Variants in PCDHA12 observed in about 807,000 individuals in gnomAD.
PCDHA12 encodes protocadherin alpha-12.
PCDHA12 carries 44 observed loss-of-function variants against 60.0 expected under a neutral mutation model. That is an observed-to-expected ratio of 0.73 (90% CI 0.58 to 0.94). PCDHA12 has a LOEUF of 0.94. PCDHA12 is among the 40% of genes least tolerant of loss of function. The probability of loss-of-function intolerance (pLI) is 0.00; values close to 1 mark genes in which losing one functional copy is unlikely to be tolerated. For missense variants in PCDHA12, 1,276 were observed against 1,239.7 expected (o/e 1.03, Z -0.44); for synonymous variants, 569 against 553.0 (o/e 1.03, Z -0.40).
chr5:140,970,948 C>A (rs1339410112), intron 1 of PCDHA12, among the ~76,000 whole-genome samples: 2 of 152,114 alleles, frequency 1.3e-5, no homozygotes, highest in East Asian at 3.8e-4. Flanking sequence ...TGCTGAGAAA[C>A]CATGGGAGGC....
chr5:140,952,215 C>T (rs2094705548), intron 1 of PCDHA12, among the ~76,000 whole-genome samples: 1 of 152,034 alleles, frequency 6.6e-6, no homozygotes, highest in African/African-American at 2.4e-5. Context: ...GCAGCTTTTC[C>T]AGGCACAGTG....
intron 3 of PCDHA12, among the ~76,000 whole-genome samples, chr5:140,986,473 CA>C (rs1217616254): frequency 6.6e-6 from 1 of 152,192 alleles, no homozygotes; most frequent in Non-Finnish European, 1.5e-5. Context: ...CTCTTGTGAT[CA>C]GTTCCTAGGG....
chr5:140,927,769 G>A (rs1471080821), intron 1 of PCDHA12: 4 of 1,614,084 alleles, frequency 2.5e-6, no homozygotes, highest in African/African-American at 2.7e-5. Context: ...AAGTGGGGAG[G>A]TGCAAGTAGC....
intron 1 of PCDHA12, chr5:140,881,212 G>A: frequency 9.7e-6 from 2 of 206,268 alleles, no homozygotes; most frequent in Non-Finnish European, 1.7e-5. Flanking sequence ...TCTAGCTGTT[G>A]TTTCTTGGAA....
chr5:140,876,868 G>T lies in PCDHA12; in HGVS notation c.1396G>T (p.Glu466Ter). Residue 466 changes from glutamate to a stop codon, truncating the protein, a stop_gained, in exon 1 of 4, where the codon GAG becomes TAG. Coordinates refer to ENST00000398631, the MANE Select transcript of PCDHA12 (RefSeq NM_018903.4). LOFTEE classifies it high-confidence loss of function. The stretch of plus-strand genomic sequence containing the variant: ...GCCCGAGTACACAGTGTTCGTGAAG[G>T]AGAACAACCCGCCGGGCTGCCACAT... ...AQPEYTVFVK[E>*]NNPPGCHIFT... The T allele has an allele frequency of 6.2e-7, 1 of 1,614,160 alleles. No homozygotes were observed. Among genetic ancestry groups the T allele is most frequent in the Non-Finnish European group, 8.5e-7 (1 of 1,180,002 alleles).
intron 1 of PCDHA12, chr5:140,882,816 A>G (rs2059323174): frequency 1.9e-6 from 3 of 1,614,266 alleles, no homozygotes; most frequent in Non-Finnish European, 1.7e-6. Flanking sequence ...TTGGACGCAC[A>G]AAACAGTCTT....
At position 141,010,166 on chromosome 5, in the gene PCDHA12, A is replaced by T; in HGVS notation, c.*229A>T. 1 of 1,562,828 alleles carries T rather than the reference A, an allele frequency of 6.4e-7. No individual in the cohort carries two copies. On this transcript the variant is annotated 3_prime_UTR_variant, in exon 4 of 4. Coordinates refer to ENST00000398631, the MANE Select transcript of PCDHA12 (RefSeq NM_018903.4). ...TCTCTCCACTCTGGCTTGTTTTCAG[A>T]ACCTAAAAAGCAGACCCAAGTTTCC... is the stretch of plus-strand genomic sequence containing the variant.
chr5:140,971,509 A>C (rs1369392741), intron 1 of PCDHA12, among the ~76,000 whole-genome samples: 4 of 152,112 alleles, frequency 2.6e-5, no homozygotes, highest in Admixed American at 2.0e-4. Flanking sequence ...ATAGGAGCAA[A>C]AGCCACTCAG....
chr5:140,890,760 A>C (rs939413448), intron 1 of PCDHA12, among the ~76,000 whole-genome samples: 2 of 152,188 alleles, frequency 1.3e-5, no homozygotes, highest in Non-Finnish European at 2.9e-5. Flanking sequence ...ATGCTTTAAA[A>C]ATATTTTAAA....
chr5:140,982,447 C>T (rs782801484), intron 2 of PCDHA12, 28 bp from the exon 3 acceptor site: 5 of 1,613,664 alleles, frequency 3.1e-6, no homozygotes, highest in Admixed American at 3.3e-5. Flanking sequence ...ATGATCTAAC[C>T]GTTATCTGGG....
intron 1 of PCDHA12, among the ~76,000 whole-genome samples, chr5:140,919,265 T>A (rs534045587): frequency 4.3e-4 from 66 of 152,394 alleles, no homozygotes. Flanking sequence ...GATATTAGTG[T>A]AGTCACTCCA....
At chr5:141,004,434 G>T (rs1383958111) in intron 3 of PCDHA12, among the ~76,000 whole-genome samples, 2 of 152,186 alleles carry the variant, frequency 1.3e-5, no homozygotes, top group Non-Finnish European at 2.9e-5. Flanking sequence ...TGGAGTTTAG[G>T]CTGAGTCATA....
At chr5:141,008,707 T>C (rs1255261995) in intron 3 of PCDHA12, among the ~76,000 whole-genome samples, 1 of 152,216 alleles carries the variant, frequency 6.6e-6, no homozygotes, top group Non-Finnish European at 1.5e-5. Flanking sequence ...TGGTTTCTAG[T>C]TGCTTGAGTG....
chr5:141,009,736 G>T lies in PCDHA12; in HGVS notation c.2625G>T (p.Leu875Phe). 1 of 1,614,086 alleles carries T rather than the reference G, an allele frequency of 6.2e-7. No homozygotes were observed. Among genetic ancestry groups the T allele is most frequent in the East Asian group, 2.2e-5 (1 of 44,872 alleles). Residue 875 changes from leucine to phenylalanine, a missense_variant, in exon 4 of 4, where the codon TTG becomes TTT. Leu to Phe is a conservative substitution (Grantham distance 22). Transcript: ENST00000398631. ...GNPKQSGPGE[L>F]PDKFIIPGSP... ...CCAAACAATCCGGTCCCGGTGAGTT[G>T]CCCGACAAATTCATTATCCCAGGAT...
intron 3 of PCDHA12, among the ~76,000 whole-genome samples, chr5:140,998,540 T>TA (rs1304307081): frequency 6.6e-6 from 1 of 151,542 alleles, no homozygotes; most frequent in African/African-American, 2.4e-5. Context: ...CCCTAATTCC[T>TA]AATTTAATGT....
chr5:140,977,564 A>G (rs2096766034), intron 1 of PCDHA12, among the ~76,000 whole-genome samples: 1 of 152,178 alleles, frequency 6.6e-6, no homozygotes, highest in African/African-American at 2.4e-5. Flanking sequence ...TTGCTAGCAG[A>G]TTGGTAGAAT....
chr5:140,963,365 T>C (rs2095759439), intron 1 of PCDHA12, among the ~76,000 whole-genome samples: 1 of 152,254 alleles, frequency 6.6e-6, no homozygotes. Flanking sequence ...CAAAGAACAT[T>C]AATTGAGCAC....
At chr5:140,950,751 T>G (rs1051693960) in intron 1 of PCDHA12, among the ~76,000 whole-genome samples, 3 of 152,154 alleles carry the variant, frequency 2.0e-5, no homozygotes, top group African/African-American at 7.2e-5. Flanking sequence ...CTCTCTATCC[T>G]TTCTGGACTC....
At chr5:140,936,419 TTTAA>T (rs1159041231) in intron 1 of PCDHA12, among the ~76,000 whole-genome samples, 4 of 152,184 alleles carry the variant, frequency 2.6e-5, no homozygotes, top group Non-Finnish European at 5.9e-5. Context: ...TGTTACTAAT[TTTAA>T]TTAATTTAAG....
Sources: gnomAD v4.1 joint callset for allele counts (sites outside exome capture counted in the v4.1 genomes callset) on GRCh38, gnomAD v4.1.1 for gene constraint, MANE v1.5 for transcripts, NCBI Gene and HGNC (gene_info 2026-07-23, HGNC 2026-07-21) for gene names.